The following ZBTB7A variants were observed in gnomAD, a reference collection of about 807,000 sequenced individuals.
The protein encoded by ZBTB7A is zinc finger and BTB domain-containing protein 7A.
A neutral mutation model predicts 26.7 loss-of-function variants in ZBTB7A; 7 were observed. The ratio of observed to expected loss-of-function variants is 0.26; its 90% CI spans 0.15 to 0.49. ZBTB7A has a LOEUF of 0.49. ZBTB7A is among the 20% of genes least tolerant of loss of function. ZBTB7A has a pLI of 0.98. For missense variants in ZBTB7A, 617 were observed against 919.5 expected (o/e 0.67, Z 4.25); for synonymous variants, 452 against 441.0 (o/e 1.02, Z -0.31).
chr19:4,050,901 C>A (rs2040497403), intron 2 of ZBTB7A, among the ~76,000 whole-genome samples: 1 of 151,828 alleles, frequency 6.6e-6, no homozygotes, highest in Non-Finnish European at 1.5e-5. Flanking sequence ...GAGTTCGAGA[C>A]CAGCCTGGCC....
Position 4,054,629 on chromosome 19 carries a change from C to A in ZBTB7A, c.604G>T (p.Val202Leu). The A allele has an allele frequency of 6.3e-7, 1 of 1,593,852 alleles. No individual in the cohort carries two copies. The highest frequency in any genetic ancestry group is 1.1e-5 in the South Asian group (1 of 89,274). ...GCCACGGCGGCCACAGCGGCGGCCA[C>A]GGCCTCCTTGGTGGCATCCAGGTCA... ...DDDLDATKEA[V>L]AAAVAAVAAG... is the part of the protein sequence containing the mutation. The change falls in exon 2 of 3, where the codon GTG (valine) becomes TTG (leucine). Residue 202 changes from valine to leucine, a missense_variant. Transcript: ENST00000322357.
chr19:4,059,690 C>T (rs561579893), intron 1 of ZBTB7A, among the ~76,000 whole-genome samples: 19 of 152,202 alleles, frequency 1.2e-4, no homozygotes, highest in African/African-American at 2.2e-4. Flanking sequence ...AAACTAAACT[C>T]GCTCTGAGAC....
intron 1 of ZBTB7A, among the ~76,000 whole-genome samples, chr19:4,060,405 C>T (rs1044750181): frequency 5.3e-5 from 8 of 152,236 alleles, no homozygotes; most frequent in Non-Finnish European, 2.9e-5. Context: ...CCACGGCACC[C>T]GGGCCGCATT....
At chr19:4,053,749 T>C (rs936150657) in intron 2 of ZBTB7A, among the ~76,000 whole-genome samples, 16 of 151,744 alleles carry the variant, frequency 1.1e-4, no homozygotes, top group African/African-American at 3.9e-4. Flanking sequence ...TGTGTGCATG[T>C]GCGTATATAT....
At chr19:4,057,318 G>C (rs1430868340) in intron 1 of ZBTB7A, among the ~76,000 whole-genome samples, 4 of 151,972 alleles carry the variant, frequency 2.6e-5, no homozygotes, top group Admixed American at 2.6e-4. Flanking sequence ...ACTCCAGCCT[G>C]GGCAACAAGA....
intron 1 of ZBTB7A, among the ~76,000 whole-genome samples, chr19:4,063,880 G>A (rs1193142787): frequency 6.6e-6 from 1 of 152,160 alleles, no homozygotes; most frequent in African/African-American, 2.4e-5. Context: ...TCTAACCTCC[G>A]GAGTTTCCAG....
Position 4,046,131 on chromosome 19 carries a change from A to C in ZBTB7A, c.*1621T>G. The C allele has an allele frequency of 2.5e-6, 1 of 398,946 alleles. No homozygotes were observed. Among genetic ancestry groups the C allele is most frequent in the Non-Finnish European group, 4.4e-6 (1 of 226,052 alleles). 24.7% of individuals were successfully genotyped at this position (398,946 alleles called of 1,614,324 possible). ...ACCCCGTGGACAGAAGCGGGCGCTA[A>C]GACCTCTTCACGTCAGAACCAAAAA... is the stretch of plus-strand genomic sequence containing the variant. On this transcript the variant is annotated 3_prime_UTR_variant, in exon 3 of 3. Coordinates refer to ENST00000322357, the MANE Select transcript of ZBTB7A (RefSeq NM_015898.4).
At position 4,054,965 on chromosome 19, in the gene ZBTB7A, C is replaced by T; in HGVS notation, c.268G>A (p.Asp90Asn). 6.2e-7 allele frequency: 1 copy of T among 1,612,104 alleles called. No individual in the cohort carries two copies. Among genetic ancestry groups the T allele is most frequent in the Non-Finnish European group, 8.5e-7 (1 of 1,179,738 alleles). ...GTGAGCGTGGCCGTGTAGGCGAAGT[C>T]CATGAGCGCGGTGAGCGCCTCGGCG... The part of the protein sequence containing the change: ...VSAEALTALM[D>N]FAYTATLTVS... Residue 90 changes from aspartate to asparagine, a missense_variant, in exon 2 of 3, where the codon GAC (aspartate) becomes AAC (asparagine). Physicochemically the swap from Asp to Asn is conservative, Grantham distance 23 (BLOSUM62 1). Coordinates refer to ENST00000322357, the MANE Select transcript of ZBTB7A (RefSeq NM_015898.4).
rs1304924907 is a variant in ZBTB7A, at chr19:4,052,788, G to A, written c.1262+1183C>T. Among the ~76,000 whole-genome samples the A allele has an allele frequency of 6.6e-6, 1 of 152,202 alleles. No homozygotes were observed. Among genetic ancestry groups the A allele is most frequent in the Admixed American group, 6.5e-5 (1 of 15,284 alleles). On this transcript the variant is annotated intron_variant, in intron 2 of 2. Transcript: ENST00000322357. The surrounding 1 kb of genome is among the most constrained non-coding windows in gnomAD (Gnocchi z 4.9). ...TGCCCGGGCCTGGCCTTGAACTCCT[G>A]CTGTTTAGGGACCAAGTCCTGTGGC... is the stretch of plus-strand genomic sequence containing the variant.
chr19:4,049,168 G>GTATA (rs1181215162), intron 2 of ZBTB7A, among the ~76,000 whole-genome samples: 155 of 14,884 alleles, frequency 0.01, 6 homozygotes, highest in South Asian at 0.022. Flanking sequence ...GTGTGTGTGT[G>GTATA]TATATATATA....
Position 4,045,591 on chromosome 19 carries a change from ATGTG to A in ZBTB7A, c.*2157_*2160del, listed in dbSNP as rs1266548466. ...CAATGAAAGAAAAAGAGACGAGAAG[ATGTG>A]TGTGTCACAGAGAAGGGGGTATGGG... On this transcript the variant is annotated 3_prime_UTR_variant, in exon 3 of 3. Coordinates refer to ENST00000322357, the MANE Select transcript of ZBTB7A (RefSeq NM_015898.4). This position sits in a 1 kb window ranked among gnomAD's most constrained non-coding sequence, Gnocchi z 4.1. 18 of 259,822 alleles carry A rather than the reference ATGTG, an allele frequency of 6.9e-5. 1 individual carries two copies. Among genetic ancestry groups the A allele is most frequent in the East Asian group, 6.1e-4 (9 of 14,780 alleles). The allele number at this position is 259,822 out of a possible 1,614,324, so 16.1% of individuals were successfully genotyped here. A position where few individuals can be genotyped will look rare whatever the true frequency, so the allele number is the denominator to read the frequency against.
intron 1 of ZBTB7A, among the ~76,000 whole-genome samples, chr19:4,055,750 G>A (rs1294703469): frequency 6.6e-6 from 1 of 152,180 alleles, no homozygotes; most frequent in African/African-American, 2.4e-5. Context: ...ATGAACCCAG[G>A]AGGCAGAGCT....
chr19:4,054,284 T>C lies in ZBTB7A; in HGVS notation c.949A>G (p.Ser317Gly). The change falls in exon 2 of 3, where the codon AGC becomes GGC. Residue 317 changes from serine (S) to glycine (G), a missense_variant. This residue lies in a region of ZBTB7A where 331 missense variants were observed against 391.3 expected (regional missense o/e 0.85). Transcript: ENST00000322357. ...DGPDVDGLAA[S>G]TLLQQMMSSV... ...GACATCATCTGCTGCAGCAGCGTGC[T>C]GGCCGCCAGCCCGTCCACGTCGGGC... 6.5e-7 allele frequency: 1 copy of C among 1,550,250 alleles called. No individual in the cohort carries two copies. The highest frequency in any genetic ancestry group is 8.7e-7 in the Non-Finnish European group (1 of 1,154,712).
intron 2 of ZBTB7A, among the ~76,000 whole-genome samples, chr19:4,049,935 T>C (rs1318299741): frequency 1.3e-5 from 2 of 152,170 alleles, no homozygotes; most frequent in East Asian, 3.9e-4. Flanking sequence ...CTATTGTTTT[T>C]TTTTCTGAGA....
chr19:4,050,914 C>T (rs969699112), intron 2 of ZBTB7A, among the ~76,000 whole-genome samples: 9 of 151,764 alleles, frequency 5.9e-5, no homozygotes, highest in East Asian at 1.9e-4. Context: ...GCCTGGCCAA[C>T]GTGGTGAAAC....
chr19:4,065,317 A>C (rs1443591552), intron 1 of ZBTB7A: 1 of 145,376 alleles, frequency 6.9e-6, no homozygotes, highest in Non-Finnish European at 1.5e-5. Context: ...CCCGGGGCTG[A>C]GTCAGGCCCG....
At chr19:4,065,093 G>A (rs1599265611) in intron 1 of ZBTB7A, among the ~76,000 whole-genome samples, 2 of 151,762 alleles carry the variant, frequency 1.3e-5, no homozygotes, top group Admixed American at 1.3e-4. Context: ...GGAGGGGGCT[G>A]GATCCCACCA....
In ZBTB7A at chr19:4,043,834, G is replaced by C. The variant is rs1599241851; in HGVS notation, c.*3918C>G. The stretch of plus-strand genomic sequence containing the variant: ...CAGGCCCCTGACCCGTCCTGCGCCA[G>C]CCACCCACCACCCCCCCCCCCCCAC... On this transcript the variant is annotated 3_prime_UTR_variant, in exon 3 of 3. Coordinates refer to ENST00000322357, the MANE Select transcript of ZBTB7A (RefSeq NM_015898.4). Among the ~76,000 whole-genome samples the C allele has an allele frequency of 1.6e-4, 4 of 25,012 alleles. No individual in the cohort carries two copies. The highest frequency in any genetic ancestry group is 3.8e-4 in the African/African-American group (2 of 5,288). The allele number at this position is 25,012 out of a possible 152,430, so 16.4% of individuals were successfully genotyped here.
rs1431725749 is a variant in ZBTB7A, at chr19:4,048,479, T to G, written c.1263-235A>C. 6.6e-6 allele frequency among the ~76,000 whole-genome samples: 1 copy of G among 152,174 alleles called. No homozygotes were observed. The highest frequency in any genetic ancestry group is 1.5e-5 in the Non-Finnish European group (1 of 68,020). On this transcript the variant is annotated intron_variant, in intron 2 of 2. Transcript: ENST00000322357. The surrounding 1 kb of genome is among the most constrained non-coding windows in gnomAD (Gnocchi z 6.7). ...CTCGGACCCTGAGTGCTGTGTGGCC[T>G]TGGGAAAACGCTATGCCTCTCTGAA...
Sources: gnomAD v4.1 joint callset for allele counts (sites outside exome capture counted in the v4.1 genomes callset) on GRCh38, gnomAD v4.1.1 for gene constraint, gnomAD v4.1.1 regional missense constraint, Gnocchi (gnomAD v3.1) non-coding constraint, MANE v1.5 for transcripts, NCBI Gene and HGNC (gene_info 2026-07-23, HGNC 2026-07-21) for gene names.